CHL1: variants seen among roughly 807,000 people sequenced by gnomAD.
CHL1 encodes cell adhesion molecule L1 like.
CHL1 carries 96 observed loss-of-function variants against 141.9 expected under a neutral mutation model. The ratio of observed to expected loss-of-function variants is 0.68; its 90% CI spans 0.57 to 0.80. The LOEUF is 0.80. Ranked by LOEUF, CHL1 falls within the 30% of genes least tolerant of loss-of-function variation. CHL1 has a pLI of 0.00. For synonymous variants in CHL1, 613 were observed against 502.2 expected, an observed-to-expected ratio of 1.22 and a Z score of -2.95; for missense variants, 1,820 against 1,457.2, an observed-to-expected ratio of 1.25 and a Z score of -4.05.
At position 405,658 on chromosome 3, in the gene CHL1, G is replaced by T; in HGVS notation, c.3622G>T (p.Gly1208Ter). Residue 1208 changes from glycine to a stop codon, truncating the protein, a stop_gained, in exon 28 of 28, where the codon GGA becomes TGA. Coordinates refer to ENST00000256509, the MANE Select transcript of CHL1 (RefSeq NM_006614.4). LOFTEE classifies it high-confidence loss of function. ...TGCCTACGCTGGATCTAAGGAGAAG[G>T]GATCTGTTGAAAGCAATGGAAGTTC... is the stretch of plus-strand genomic sequence containing the variant. ...IGAYAGSKEK[G>*]SVESNGSSTA... 6.2e-7 allele frequency: 1 copy of T among 1,613,458 alleles called. No individual in the cohort carries two copies. Among genetic ancestry groups the T allele is most frequent in the Non-Finnish European group, 8.5e-7 (1 of 1,179,566 alleles).
At chr3:304,097 C>T (rs1411857817) in intron 2 of CHL1, among the ~76,000 whole-genome samples, 1 of 150,448 alleles carries the variant, frequency 6.6e-6, no homozygotes, top group East Asian at 1.9e-4. Flanking sequence ...TGGTGGTAAG[C>T]TTTTTGATGT....
intron 2 of CHL1, among the ~76,000 whole-genome samples, chr3:288,603 G>T (rs1023664711): frequency 5.9e-5 from 9 of 152,080 alleles, no homozygotes; most frequent in African/African-American, 2.2e-4. Flanking sequence ...TCACAGGAGG[G>T]GGGCCATGAA....
chr3:218,816 T>TA (rs1413522334), intron 1 of CHL1, among the ~76,000 whole-genome samples: 1 of 152,130 alleles, frequency 6.6e-6, no homozygotes, highest in East Asian at 1.9e-4. Flanking sequence ...CACAATGAGA[T>TA]ACCATTTCGC....
chr3:382,093 T>C, intron 16 of CHL1, 86 bp from the exon 17 acceptor site: 1 of 1,156,986 alleles, frequency 8.6e-7, no homozygotes, highest in South Asian at 1.4e-5. Context: ...ACCTCCTCTG[T>C]CTCCGGGTAG....
At chr3:359,984 A>G (rs976459834) in intron 11 of CHL1, among the ~76,000 whole-genome samples, 1 of 152,178 alleles carries the variant, frequency 6.6e-6, no homozygotes, top group African/African-American at 2.4e-5. Flanking sequence ...TAGGTCTTGA[A>G]TGCCTAAAGG....
intron 11 of CHL1, among the ~76,000 whole-genome samples, chr3:356,978 T>A (rs1045279873): frequency 1.3e-5 from 2 of 152,206 alleles, no homozygotes; most frequent in Non-Finnish European, 2.9e-5. Context: ...TGATTGATAC[T>A]AGGTAGGAGG....
intron 1 of CHL1, among the ~76,000 whole-genome samples, chr3:236,399 C>T (rs941314279): frequency 2.6e-5 from 4 of 152,126 alleles, no homozygotes; most frequent in Admixed American, 1.3e-4. Context: ...CCTTCTAGGT[C>T]AGCCTTCTAT....
chr3:388,651 A>T (rs940329964), intron 19 of CHL1, among the ~76,000 whole-genome samples: 4 of 152,184 alleles, frequency 2.6e-5, no homozygotes, highest in African/African-American at 9.6e-5. Context: ...CTTAAAGAAA[A>T]ATAAAGAATG....
intron 1 of CHL1, chr3:197,872 C>CTTTTTTTT: frequency 5.6e-6 from 2 of 357,916 alleles, no homozygotes; most frequent in African/African-American, 4.9e-5. Flanking sequence ...CTTTCTCTCG[C>CTTTTTTTT]TTTTTTTTTT....
chr3:361,075 A>G (rs1190567584), intron 12 of CHL1, among the ~76,000 whole-genome samples: 1 of 152,092 alleles, frequency 6.6e-6, no homozygotes, highest in African/African-American at 2.4e-5. Flanking sequence ...TCTTTATAGC[A>G]GCATGATTTA....
In CHL1 at chr3:287,663, A is replaced by G. The variant is rs556460389; in HGVS notation, c.-94-32020A>G. Among the ~76,000 whole-genome samples, 6 of 152,340 alleles carry G rather than the reference A, an allele frequency of 3.9e-5. No individual in the cohort carries two copies. In the South Asian group the frequency reaches 1.2e-3, roughly 32 times the overall value. On this transcript the variant is annotated intron_variant, in intron 2 of 27. Coordinates refer to ENST00000256509, the MANE Select transcript of CHL1 (RefSeq NM_006614.4). Reference sequence around the variant, plus strand: ...TTTAGTAAGATGCTTTAATTTACTGATAGCATGCTACTTATTAGTGTGTGC... The same window carrying G: ...TTTAGTAAGATGCTTTAATTTACTGGTAGCATGCTACTTATTAGTGTGTGC...
At chr3:353,396 A>G (rs1703433432) in intron 10 of CHL1, among the ~76,000 whole-genome samples, 1 of 152,226 alleles carries the variant, frequency 6.6e-6, no homozygotes, top group Non-Finnish European at 1.5e-5. Context: ...AAAATAGACA[A>G]AAATAAACCT....
At chr3:235,894 G>C (rs1402615290) in intron 1 of CHL1, among the ~76,000 whole-genome samples, 1 of 152,182 alleles carries the variant, frequency 6.6e-6, no homozygotes, top group Admixed American at 6.6e-5. Flanking sequence ...ATACTCCAAG[G>C]TGGGAAACAG....
chr3:326,105 C>T (rs1043282079), intron 4 of CHL1, 41 bp downstream of exon 4: 6 of 1,237,038 alleles, frequency 4.9e-6, no homozygotes, highest in Non-Finnish European at 7.1e-6. Flanking sequence ...TAAATGCGTG[C>T]TGTTCTTTAT....
chr3:359,461 C>T (rs1704013996), intron 11 of CHL1, among the ~76,000 whole-genome samples: 4 of 152,048 alleles, frequency 2.6e-5, no homozygotes, highest in Admixed American at 2.6e-4. Flanking sequence ...CACCACCACA[C>T]CTGGCTGATT....
At chr3:293,055 A>T (rs770033793) in intron 2 of CHL1, among the ~76,000 whole-genome samples, 4 of 152,240 alleles carry the variant, frequency 2.6e-5, no homozygotes, top group Non-Finnish European at 4.4e-5. Context: ...TTTACACAAA[A>T]ACCAAATTAA....
chr3:398,888 C>A, intron 25 of CHL1, 129 bp from the exon 26 acceptor site: 1 of 767,646 alleles, frequency 1.3e-6, no homozygotes. Context: ...AATTGCATTC[C>A]TTCTGGGGTC....
chr3:397,926 A>G (rs573932780), intron 24 of CHL1, among the ~76,000 whole-genome samples: 7 of 152,202 alleles, frequency 4.6e-5, no homozygotes, highest in African/African-American at 1.7e-4. Context: ...TCCAAATTGC[A>G]CAAAATTATA....
intron 5 of CHL1, among the ~76,000 whole-genome samples, chr3:339,162 G>T (rs1477121505): frequency 1.3e-5 from 2 of 152,128 alleles, no homozygotes; most frequent in African/African-American, 4.8e-5. Flanking sequence ...TGTTTACTGG[G>T]CTTAAGTTAC....
Sources: allele counts gnomAD v4.1 joint callset (sites outside exome capture counted in the v4.1 genomes callset), GRCh38; gene constraint gnomAD v4.1.1; transcripts MANE v1.5; gene names NCBI Gene and HGNC (gene_info 2026-07-23, HGNC 2026-07-21).